PKNOX2: variants seen among roughly 807,000 people sequenced by gnomAD.
PKNOX2 encodes the protein homeobox protein PKNOX2.
A neutral mutation model predicts 53.1 loss-of-function variants in PKNOX2; 14 were observed. The ratio of observed to expected loss-of-function variants is 0.26; its 90% CI spans 0.17 to 0.41. The LOEUF is 0.41. Among genes scored for constraint, PKNOX2 ranks in the 10% least tolerant of loss-of-function variants. PKNOX2 has a pLI of 1.00. For missense variants in PKNOX2, 496 were observed against 602.8 expected (o/e 0.82, Z 1.85); for synonymous variants, 257 against 242.8 (o/e 1.06, Z -0.54).
At chr11:125,252,263 T>C (rs905055254) in intron 2 of PKNOX2, among the ~76,000 whole-genome samples, 1 of 152,120 alleles carries the variant, frequency 6.6e-6, no homozygotes. Flanking sequence ...ATTTCCCACA[T>C]TTCAGGAGCA....
chr11:125,326,580 C>T (rs1191979828), intron 2 of PKNOX2, among the ~76,000 whole-genome samples: 1 of 152,188 alleles, frequency 6.6e-6, no homozygotes, highest in Non-Finnish European at 1.5e-5. Context: ...ATTATTTTAG[C>T]TTCCAAAGAG....
At chr11:125,311,622 A>G (rs145198633) in intron 2 of PKNOX2, among the ~76,000 whole-genome samples, 1,614 of 152,276 alleles carry the variant, frequency 0.011, 16 homozygotes, top group African/African-American at 0.027. Flanking sequence ...ATTCCTTATG[A>G]AGGGCACAAA....
intron 2 of PKNOX2, among the ~76,000 whole-genome samples, chr11:125,274,253 G>A (rs140604369): frequency 2.7e-4 from 41 of 152,236 alleles, no homozygotes; most frequent in African/African-American, 9.1e-4. Flanking sequence ...CCTGAATGAT[G>A]CAGGGGGTCC....
At chr11:125,298,865 C>A (rs1377947991) in intron 2 of PKNOX2, among the ~76,000 whole-genome samples, 1 of 152,282 alleles carries the variant, frequency 6.6e-6, no homozygotes, top group East Asian at 1.9e-4. Context: ...CTTACCTGAC[C>A]ATTGGTTATC....
intron 3 of PKNOX2, 47 bp from the exon 4 acceptor site, chr11:125,351,236 GC>G (rs1382320719): frequency 4.8e-6 from 4 of 839,168 alleles, no homozygotes; most frequent in Non-Finnish European, 8.1e-6. Context: ...CCCAGGGCGG[GC>G]CTGCTCAGCG....
intron 8 of PKNOX2, 35 bp from the exon 9 acceptor site, chr11:125,410,744 A>C (rs1387153988): frequency 1.3e-6 from 2 of 1,550,804 alleles, no homozygotes; most frequent in Non-Finnish European, 8.9e-7. Context: ...ACCCACTCCC[A>C]TGGCAGGGGA....
At chr11:125,189,417 G>GTATATATATA (rs1956673840) in intron 1 of PKNOX2, among the ~76,000 whole-genome samples, 2 of 46,538 alleles carry the variant, frequency 4.3e-5, no homozygotes, top group Non-Finnish European at 8.6e-5. Context: ...ATATATATGT[G>GTATATATATA]TGTGTGTGTG....
intron 4 of PKNOX2, among the ~76,000 whole-genome samples, chr11:125,359,631 C>T (rs1565505956): frequency 6.6e-6 from 1 of 152,194 alleles, no homozygotes; most frequent in South Asian, 2.1e-4. Context: ...GACCTCTTCC[C>T]GGGTCCTTGG....
At chr11:125,207,367 G>C (rs1325356419) in intron 1 of PKNOX2, among the ~76,000 whole-genome samples, 1 of 152,074 alleles carries the variant, frequency 6.6e-6, no homozygotes, top group Non-Finnish European at 1.5e-5. Context: ...AATATGGCTG[G>C]AGACAGAAAT....
At chr11:125,178,975 T>C (rs1955986710) in intron 1 of PKNOX2, among the ~76,000 whole-genome samples, 1 of 152,084 alleles carries the variant, frequency 6.6e-6, no homozygotes, top group South Asian at 2.1e-4. Flanking sequence ...CACGGTGTGG[T>C]GTCGGGCTCG....
intron 1 of PKNOX2, among the ~76,000 whole-genome samples, chr11:125,187,050 T>A (rs1028742316): frequency 2.6e-5 from 4 of 152,244 alleles, no homozygotes; most frequent in African/African-American, 9.6e-5. Context: ...CTGGACTCTT[T>A]ACTCAATTCC....
At position 125,330,894 on chromosome 11, in the gene PKNOX2, T is replaced by C. The variant is rs146753725; in HGVS notation, c.-129-925T>C. Reference sequence around the variant, plus strand: ...ACAGGGAGAGTAAGATGGTGTTAACTAGGAAGGAACTGTTGATGTTAAAGA... The same window carrying C: ...ACAGGGAGAGTAAGATGGTGTTAACCAGGAAGGAACTGTTGATGTTAAAGA... On this transcript the variant is annotated intron_variant, in intron 2 of 12. Coordinates refer to ENST00000298282, the MANE Select transcript of PKNOX2 (RefSeq NM_001382323.2). 4.3e-3 allele frequency among the ~76,000 whole-genome samples: 651 copies of C among 152,316 alleles called. 5 individuals carry two copies. The highest frequency in any genetic ancestry group is 0.015 in the African/African-American group (614 of 41,564).
intron 2 of PKNOX2, among the ~76,000 whole-genome samples, chr11:125,262,493 G>A (rs1481885695): frequency 6.6e-6 from 1 of 151,872 alleles, no homozygotes; most frequent in Non-Finnish European, 1.5e-5. Flanking sequence ...GGGCTGGTGT[G>A]TTTGCGCTAG....
intron 1 of PKNOX2, among the ~76,000 whole-genome samples, chr11:125,199,030 A>T (rs1392451888): frequency 2.6e-5 from 4 of 152,042 alleles, no homozygotes; most frequent in African/African-American, 9.7e-5. Flanking sequence ...CAGTAGAGAC[A>T]GGGTTTTGTC....
At chr11:125,303,206 T>C (rs1387332066) in intron 2 of PKNOX2, among the ~76,000 whole-genome samples, 1 of 152,266 alleles carries the variant, frequency 6.6e-6, no homozygotes, top group Non-Finnish European at 1.5e-5. Context: ...CTCATACTTT[T>C]GAATTTTGCT....
intron 2 of PKNOX2, among the ~76,000 whole-genome samples, chr11:125,307,883 A>T (rs1331398593): frequency 6.6e-6 from 1 of 152,216 alleles, no homozygotes; most frequent in Non-Finnish European, 1.5e-5. Context: ...AACTCACCAT[A>T]GGCAAGGTAG....
intron 10 of PKNOX2, among the ~76,000 whole-genome samples, chr11:125,412,389 C>T (rs537626543): frequency 3.0e-4 from 46 of 152,336 alleles, no homozygotes; most frequent in African/African-American, 1.0e-3. Flanking sequence ...CTCCAGGACA[C>T]AGCACTATTT....
intron 2 of PKNOX2, among the ~76,000 whole-genome samples, chr11:125,237,651 T>C (rs34692341): frequency 0.16 from 24,136 of 152,104 alleles, 1,960 homozygotes; most frequent in African/African-American, 0.18. Flanking sequence ...CACAGAATGT[T>C]TGAGTCGAAA....
At chr11:125,299,543 G>A (rs898583153) in intron 2 of PKNOX2, among the ~76,000 whole-genome samples, 5 of 152,180 alleles carry the variant, frequency 3.3e-5, no homozygotes, top group East Asian at 3.9e-4. Context: ...TTGGGCACTG[G>A]CAGTGCCACT....
Sources: gnomAD v4.1 joint callset for allele counts (sites outside exome capture counted in the v4.1 genomes callset) on GRCh38, gnomAD v4.1.1 for gene constraint, MANE v1.5 for transcripts, NCBI Gene and HGNC (gene_info 2026-07-23, HGNC 2026-07-21) for gene names.